Variants in NRXN1 observed in about 807,000 individuals in gnomAD.
The protein encoded by NRXN1 is neurexin-1.
NRXN1 carries 39 observed loss-of-function variants against 150.9 expected under a neutral mutation model. That is an observed-to-expected ratio of 0.26 (90% CI 0.20 to 0.34). The LOEUF is 0.34. NRXN1 is among the 10% of genes least tolerant of loss of function. The pLI is 1.00. For synonymous variants in NRXN1, 924 were observed against 757.0 expected, an observed-to-expected ratio of 1.22 and a Z score of -3.62; for missense variants, 1,815 against 1,949.9, an observed-to-expected ratio of 0.93 and a Z score of 1.30.
chr2:50,607,261 C>T (rs1406364922), intron 8 of NRXN1, among the ~76,000 whole-genome samples: 2 of 152,112 alleles, frequency 1.3e-5, no homozygotes, highest in Non-Finnish European at 2.9e-5. Flanking sequence ...CTCACAAGCT[C>T]TCTGGAAATA....
At position 50,598,971 on chromosome 2, in the gene NRXN1, C is replaced by T. The variant is rs570994709; in HGVS notation, c.1320+21051G>A. On this transcript the variant is annotated intron_variant, in intron 8 of 22. Transcript: ENST00000401669. ...ACTTTTAGCAGAGACAGGGTTTCAC[C>T]ATGTTGGCCAGGCTGCTCTCGAACT... 9.1e-4 allele frequency among the ~76,000 whole-genome samples: 138 copies of T among 151,944 alleles called. 1 individual carries two copies. Among genetic ancestry groups the T allele is most frequent in the Non-Finnish European group, 1.8e-3 (121 of 67,986 alleles).
intron 17 of NRXN1, among the ~76,000 whole-genome samples, chr2:50,296,560 C>G (rs1190190646): frequency 9.8e-6 from 1 of 102,352 alleles, no homozygotes; most frequent in East Asian, 3.9e-4. Context: ...ACTTGAACTC[C>G]TGGGTTCACA....
At chr2:50,786,886 A>G (rs1172613655) in intron 5 of NRXN1, among the ~76,000 whole-genome samples, 5 of 152,186 alleles carry the variant, frequency 3.3e-5, no homozygotes, top group Admixed American at 3.3e-4. Flanking sequence ...CAAGCTAATA[A>G]CATATAAAAA....
chr2:50,376,908 G>A (rs764526666), intron 17 of NRXN1, among the ~76,000 whole-genome samples: 49 of 151,992 alleles, frequency 3.2e-4, no homozygotes, highest in Non-Finnish European at 6.0e-4. Context: ...TCACATCACC[G>A]CTCTGCGCTT....
chr2:50,577,085 CATT>C (rs1671545998), intron 8 of NRXN1, among the ~76,000 whole-genome samples: 2 of 152,110 alleles, frequency 1.3e-5, no homozygotes, highest in Admixed American at 6.6e-5. Context: ...TTTTCTGAAC[CATT>C]ATTACGTTTT....
At chr2:50,053,172 C>A in intron 21 of NRXN1, 99 bp downstream of exon 21, 1 of 1,240,428 alleles carries the variant, frequency 8.1e-7, no homozygotes, top group Admixed American at 1.7e-5. Context: ...TGCCTAAGAT[C>A]AGAAAAATGT....
At chr2:49,957,945 C>T (rs906255185) in intron 21 of NRXN1, among the ~76,000 whole-genome samples, 3 of 152,102 alleles carry the variant, frequency 2.0e-5, no homozygotes, top group African/African-American at 7.2e-5. Context: ...CTACTTTTCC[C>T]AAGTTTCTTA....
intron 5 of NRXN1, among the ~76,000 whole-genome samples, chr2:50,717,679 A>G (rs1053537118): frequency 1.3e-5 from 2 of 152,284 alleles, no homozygotes; most frequent in Non-Finnish European, 2.9e-5. Flanking sequence ...AACCACAAAC[A>G]TTTACTTCTC....
chr2:50,702,998 G>C (rs1393919607), intron 5 of NRXN1, among the ~76,000 whole-genome samples: 1 of 152,038 alleles, frequency 6.6e-6, no homozygotes, highest in African/African-American at 2.4e-5. Flanking sequence ...TCCAGTGAGA[G>C]AAAAGTAACA....
chr2:50,915,289 T>A (rs1246800299), intron 5 of NRXN1, among the ~76,000 whole-genome samples: 1 of 151,694 alleles, frequency 6.6e-6, no homozygotes, highest in East Asian at 1.9e-4. Flanking sequence ...CAACTATATA[T>A]CATTCTGTGA....
At chr2:49,986,203 A>G (rs1449111135) in intron 21 of NRXN1, among the ~76,000 whole-genome samples, 1 of 152,218 alleles carries the variant, frequency 6.6e-6, no homozygotes, top group East Asian at 1.9e-4. Context: ...ATTTCTCTAA[A>G]GCAGCGATTC....
chr2:50,540,073 G>C (rs1010907537), intron 9 of NRXN1, among the ~76,000 whole-genome samples: 15 of 152,150 alleles, frequency 9.9e-5, no homozygotes, highest in African/African-American at 2.7e-4. Context: ...CAGGGAGAAG[G>C]GCATGGAAGC....
intron 8 of NRXN1, among the ~76,000 whole-genome samples, chr2:50,577,812 T>C (rs1420350798): frequency 6.6e-6 from 1 of 152,002 alleles, no homozygotes; most frequent in Non-Finnish European, 1.5e-5. Flanking sequence ...GATATATGTG[T>C]TGGGAAGCCC....
At chr2:50,098,183 G>C (rs1220286648) in intron 18 of NRXN1, among the ~76,000 whole-genome samples, 3 of 152,024 alleles carry the variant, frequency 2.0e-5, no homozygotes, top group Non-Finnish European at 4.4e-5. Context: ...AATTCATTCA[G>C]GTAACTAATA....
At chr2:50,083,522 A>C (rs1698284692) in intron 19 of NRXN1, among the ~76,000 whole-genome samples, 1 of 152,194 alleles carries the variant, frequency 6.6e-6, no homozygotes, top group Non-Finnish European at 1.5e-5. Flanking sequence ...GGCAGTGTGG[A>C]CCCAAAGAGT....
intron 5 of NRXN1, among the ~76,000 whole-genome samples, chr2:50,662,309 C>A (rs747387939): frequency 6.6e-6 from 1 of 151,992 alleles, no homozygotes; most frequent in Non-Finnish European, 1.5e-5. Flanking sequence ...CAGAAATGGA[C>A]ATCTTGCTCA....
At chr2:50,891,639 G>A (rs2067761568) in intron 5 of NRXN1, among the ~76,000 whole-genome samples, 1 of 151,950 alleles carries the variant, frequency 6.6e-6, no homozygotes, top group Non-Finnish European at 1.5e-5. Flanking sequence ...CACATGCCAA[G>A]GCTAGAGAAA....
chr2:50,570,590 G>C (rs548475894), intron 8 of NRXN1, among the ~76,000 whole-genome samples: 1 of 152,194 alleles, frequency 6.6e-6, no homozygotes, highest in Admixed American at 6.6e-5. Context: ...TTGAGTGGCA[G>C]AAAGCAACTG....
intron 21 of NRXN1, among the ~76,000 whole-genome samples, chr2:49,948,175 G>GT (rs1673293015): frequency 6.6e-6 from 1 of 152,042 alleles, no homozygotes; most frequent in Admixed American, 6.6e-5. Context: ...GGCTACAACT[G>GT]TGTGACTCAG....
Sources: gnomAD v4.1 joint callset for allele counts (sites outside exome capture counted in the v4.1 genomes callset) on GRCh38, gnomAD v4.1.1 for gene constraint, MANE v1.5 for transcripts, NCBI Gene and HGNC (gene_info 2026-07-23, HGNC 2026-07-21) for gene names.